The following CORO2B variants were observed in gnomAD, a reference collection of about 807,000 sequenced individuals.
CORO2B encodes coronin-2B.
Under a neutral mutation model 58.8 loss-of-function variants are expected in CORO2B, and 26 were observed. The observed-to-expected ratio is 0.44, with a 90% CI of 0.32 to 0.61. The LOEUF is 0.61. CORO2B is among the 20% of genes least tolerant of loss of function. The pLI is 0.04. For missense variants in CORO2B, 460 were observed against 645.1 expected (o/e 0.71, Z 3.11); for synonymous variants, 242 against 253.8 (o/e 0.95, Z 0.44).
At chr15:68,630,257 A>G (rs1050831173) in intron 1 of CORO2B, among the ~76,000 whole-genome samples, 2 of 152,168 alleles carry the variant, frequency 1.3e-5, no homozygotes, top group African/African-American at 2.4e-5. Context: ...GTCGTGTGCA[A>G]CGGGCAGCAT....
chr15:68,601,505 G>A (rs770583992), intron 1 of CORO2B, among the ~76,000 whole-genome samples: 69 of 152,328 alleles, frequency 4.5e-4, no homozygotes, highest in Non-Finnish European at 7.9e-4. Flanking sequence ...GGCCATGAGC[G>A]TGCAGTGCGA....
chr15:68,687,521 G>A (rs1218668355), intron 2 of CORO2B, among the ~76,000 whole-genome samples: 5 of 152,182 alleles, frequency 3.3e-5, no homozygotes, highest in East Asian at 3.9e-4. Flanking sequence ...TCACCATGCC[G>A]CCAGCCTTTC....
chr15:68,707,724 A>C (rs952021330), intron 3 of CORO2B, among the ~76,000 whole-genome samples: 1 of 152,210 alleles, frequency 6.6e-6, no homozygotes, highest in Non-Finnish European at 1.5e-5. Context: ...GTCTAGCCCA[A>C]GCATTAGTCT....
intron 1 of CORO2B, chr15:68,631,838 C>G (rs1229642672): frequency 1.7e-6 from 1 of 580,400 alleles, no homozygotes; most frequent in East Asian, 1.4e-4. Context: ...CTGACACCTG[C>G]ACAAAGACAG....
chr15:68,686,813 C>T (rs1463360772), intron 2 of CORO2B, among the ~76,000 whole-genome samples: 5 of 151,788 alleles, frequency 3.3e-5, no homozygotes, highest in Admixed American at 6.6e-5. Context: ...GCAGAAGAAT[C>T]GCTTGAACCC....
At chr15:68,672,159 GGT>G (rs60989044) in intron 2 of CORO2B, among the ~76,000 whole-genome samples, 8 of 146,176 alleles carry the variant, frequency 5.5e-5, no homozygotes, top group East Asian at 2.0e-4. Flanking sequence ...GTAATCGGGA[GGT>G]GTGTGTGTGT....
chr15:68,706,680 C>T (rs1236478854), intron 3 of CORO2B, among the ~76,000 whole-genome samples: 3 of 152,086 alleles, frequency 2.0e-5, no homozygotes, highest in African/African-American at 4.8e-5. Context: ...CAAGGGTAGC[C>T]GGTAGACATG....
At chr15:68,646,079 AT>A (rs796543366) in intron 2 of CORO2B, among the ~76,000 whole-genome samples, 13 of 146,620 alleles carry the variant, frequency 8.9e-5, no homozygotes, top group South Asian at 4.3e-4. Flanking sequence ...TGGCCCACTC[AT>A]TTTTTTTTTA....
chr15:68,652,062 C>T (rs543535117), intron 2 of CORO2B, among the ~76,000 whole-genome samples: 12 of 152,280 alleles, frequency 7.9e-5, no homozygotes, highest in African/African-American at 2.2e-4. Context: ...GAAGCTGAGA[C>T]GGCACAGCCG....
In CORO2B at chr15:68,701,741, C is replaced by T. The variant is rs569301749; in HGVS notation, c.333+6485C>T. ...CCTCGTGATCTGCCCGCCTCGGCCT[C>T]CCGAAGTGCTGGGATTACAGGCGTG... is the stretch of plus-strand genomic sequence containing the variant. On this transcript the variant is annotated intron_variant, in intron 3 of 11. Coordinates refer to ENST00000261861, the MANE Select transcript of CORO2B (RefSeq NM_006091.5). 5.3e-5 allele frequency among the ~76,000 whole-genome samples: 8 copies of T among 152,188 alleles called. No homozygotes were observed. The South Asian group carries it at 8.3e-4, about 16-fold the overall frequency.
intron 2 of CORO2B, among the ~76,000 whole-genome samples, chr15:68,652,866 A>G (rs1480123025): frequency 6.6e-6 from 1 of 152,204 alleles, no homozygotes; most frequent in African/African-American, 2.4e-5. Flanking sequence ...GTGCCTGCCC[A>G]CCTTACAGAG....
At chr15:68,660,991 G>GT (rs920121539) in intron 2 of CORO2B, among the ~76,000 whole-genome samples, 2 of 106,076 alleles carry the variant, frequency 1.9e-5, no homozygotes, top group African/African-American at 3.1e-5. Context: ...TTTTTTTTCT[G>GT]TTTTTTGAGA....
intron 3 of CORO2B, among the ~76,000 whole-genome samples, chr15:68,698,214 C>G (rs1219152643): frequency 6.6e-6 from 1 of 152,222 alleles, no homozygotes; most frequent in East Asian, 1.9e-4. Flanking sequence ...CTCTGCCAAG[C>G]TTCCTCATCA....
At chr15:68,657,592 A>G (rs564578882) in intron 2 of CORO2B, among the ~76,000 whole-genome samples, 7 of 151,942 alleles carry the variant, frequency 4.6e-5, no homozygotes, top group African/African-American at 9.6e-5. Context: ...GTGCTTTTCT[A>G]TCAATGCATT....
the CORO2B span, among the ~76,000 whole-genome samples, chr15:68,565,866 C>G: frequency 6.6e-6 from 1 of 152,264 alleles, no homozygotes; most frequent in Non-Finnish European, 1.5e-5. Context: ...CCCCCTCTCC[C>G]CTGGGGCCTG....
At chr15:68,714,503 G>T in intron 6 of CORO2B, 56 bp from the exon 7 acceptor site, 1 of 1,370,156 alleles carries the variant, frequency 7.3e-7, no homozygotes, top group Admixed American at 1.7e-5. Context: ...CTGGGATTTG[G>T]GGAGGGGTAT....
intron 2 of CORO2B, among the ~76,000 whole-genome samples, chr15:68,655,112 A>T (rs1162283792): frequency 2.6e-5 from 4 of 152,172 alleles, no homozygotes; most frequent in Non-Finnish European, 5.9e-5. Context: ...CTGCCTGTTT[A>T]TCTGGAGTTG....
At chr15:68,598,507 G>A (rs1458327468) in intron 1 of CORO2B, among the ~76,000 whole-genome samples, 1 of 152,164 alleles carries the variant, frequency 6.6e-6, no homozygotes, top group Non-Finnish European at 1.5e-5. Context: ...TTCTAAAAAA[G>A]GACTCAACCT....
At chr15:68,683,324 C>T (rs866187300) in intron 2 of CORO2B, among the ~76,000 whole-genome samples, 1 of 152,162 alleles carries the variant, frequency 6.6e-6, no homozygotes, top group Non-Finnish European at 1.5e-5. Context: ...AGCTGACTCT[C>T]TTGTTGGTCC....
Sources: allele counts gnomAD v4.1 joint callset (sites outside exome capture counted in the v4.1 genomes callset), GRCh38; gene constraint gnomAD v4.1.1; transcripts MANE v1.5; gene names NCBI Gene and HGNC (gene_info 2026-07-23, HGNC 2026-07-21).